DMD: variants seen among roughly 807,000 people sequenced by gnomAD.
The protein encoded by DMD is mutant dystrophin.
Under a neutral mutation model 330.1 loss-of-function variants are expected in DMD, and 63 were observed. That is an observed-to-expected ratio of 0.19 (90% CI 0.16 to 0.24). The LOEUF (loss-of-function observed/expected upper bound fraction) is 0.24, where lower values mean the gene tolerates loss of function less well. DMD is among the 10% of genes least tolerant of loss of function. The pLI, the probability that DMD is intolerant of heterozygous loss-of-function variation, is 1.00. For synonymous variants in DMD, 1,223 were observed against 959.8 expected, an observed-to-expected ratio of 1.27 and a Z score of -5.07; for missense variants, 3,344 against 2,684.1, an observed-to-expected ratio of 1.25 and a Z score of -5.43.
chrX:32,323,590 T>G (rs1249565219), intron 41 of DMD, among the ~76,000 whole-genome samples: 1 of 111,708 alleles, frequency 9.0e-6, no homozygotes, highest in Non-Finnish European at 1.9e-5. Flanking sequence ...ATCATCTTGG[T>G]GATGAGGGCA....
intron 55 of DMD, among the ~76,000 whole-genome samples, chrX:31,514,983 C>CT (rs2072044117): frequency 1.8e-5 from 2 of 108,552 alleles, no homozygotes; most frequent in African/African-American, 6.7e-5. Context: ...TAAAGTCTTC[C>CT]TTTAGGAAGC....
chrX:33,334,420 G>C (rs1440151970), intron 1 of DMD, among the ~76,000 whole-genome samples: 1 of 110,976 alleles, frequency 9.0e-6, no homozygotes, highest in African/African-American at 3.3e-5. Flanking sequence ...ATAGTCTAGA[G>C]ATGAGGTGAG....
chrX:31,526,598 C>A (rs184881373), intron 55 of DMD, among the ~76,000 whole-genome samples: 15 of 111,622 alleles, frequency 1.3e-4, no homozygotes, highest in Non-Finnish European at 1.9e-4. Flanking sequence ...TCAAGAAGTA[C>A]GGAAAAGAAA....
chrX:32,003,913 G>C (rs2095643866), intron 44 of DMD, among the ~76,000 whole-genome samples: 1 of 111,233 alleles, frequency 9.0e-6, no homozygotes, highest in Admixed American at 9.6e-5. Context: ...TACAGATTCA[G>C]CCATTTGCTA....
At chrX:32,329,588 G>T (rs961196374) in intron 41 of DMD, among the ~76,000 whole-genome samples, 4 of 112,084 alleles carry the variant, frequency 3.6e-5, no homozygotes, top group Non-Finnish European at 7.5e-5. Flanking sequence ...AAAATATAGT[G>T]ACCGATATTA....
chrX:32,341,570 TC>T (rs779829746), intron 41 of DMD, among the ~76,000 whole-genome samples: 1 of 112,054 alleles, frequency 8.9e-6, no homozygotes, highest in East Asian at 2.8e-4. Context: ...GGCATCCAGT[TC>T]TTTTATGGGC....
chrX:32,735,980 A>G (rs1249253370), intron 7 of DMD, among the ~76,000 whole-genome samples: 2 of 111,677 alleles, frequency 1.8e-5, no homozygotes, highest in East Asian at 5.6e-4. Flanking sequence ...TGAACAGGCA[A>G]CCTACAAAAT....
chrX:32,722,285 ACT>A (rs1569488171), intron 7 of DMD, among the ~76,000 whole-genome samples: 1 of 110,952 alleles, frequency 9.0e-6, no homozygotes, highest in Admixed American at 9.7e-5. Flanking sequence ...AGAACAAAAA[ACT>A]CAATACAACA....
intron 55 of DMD, among the ~76,000 whole-genome samples, chrX:31,608,599 C>T (rs1250605825): frequency 8.9e-6 from 1 of 111,885 alleles, no homozygotes; most frequent in Non-Finnish European, 1.9e-5. Context: ...TAGAATAAAG[C>T]TCAATGGCTT....
At chrX:33,018,613 T>C (rs1486379251) in intron 2 of DMD, among the ~76,000 whole-genome samples, 2 of 89,055 alleles carry the variant, frequency 2.2e-5, no homozygotes, top group African/African-American at 3.4e-5. Flanking sequence ...AAAATTACTC[T>C]AGTTCAATTC....
At chrX:31,341,889 G>GCACACACACACACA (rs1239381351) in intron 61 of DMD, among the ~76,000 whole-genome samples, 15 of 65,069 alleles carry the variant, frequency 2.3e-4, no homozygotes, top group African/African-American at 7.5e-4. Flanking sequence ...GCGTGCGCGC[G>GCACACACACACACA]CGCACACACA....
rs776909719 is a variant in DMD at position 31,954,366 on chromosome X, G to A, written c.6614+13973C>T. On this transcript the variant is annotated intron_variant, in intron 45 of 78. Transcript: ENST00000357033. ...CAACCTCTGAAACACTCCAGAAACC[G>A]TATCCACATTCACAGATTCTCTTGT... Among the ~76,000 whole-genome samples, 34 of 111,188 alleles carry A rather than the reference G, an allele frequency of 3.1e-4. No individual in the cohort carries two copies. The East Asian group carries it at 4.0e-3, about 13-fold the overall frequency.
At position 31,228,940 on chromosome X, in the gene DMD, A is replaced by C. The variant is rs549091687; in HGVS notation, c.9287-5819T>G. On this transcript the variant is annotated intron_variant, in intron 63 of 78. Transcript: ENST00000357033. Reference sequence around the variant, plus strand: ...AGAAACGTAAGGAACAAGGGCAAACATCAAACCACCTACCTTCTCAAGTTG... The same window carrying C: ...AGAAACGTAAGGAACAAGGGCAAACCTCAAACCACCTACCTTCTCAAGTTG... Among the ~76,000 whole-genome samples the C allele has an allele frequency of 4.4e-5, 5 of 112,634 alleles. No homozygotes were observed. In the South Asian group the frequency reaches 1.5e-3, roughly 33 times the overall value.
chrX:32,748,975 C>A (rs1292523532), intron 7 of DMD, among the ~76,000 whole-genome samples: 2 of 112,216 alleles, frequency 1.8e-5, no homozygotes, highest in Admixed American at 9.4e-5. Flanking sequence ...ATTAACAGAA[C>A]CTTTTCTCCC....
At chrX:32,243,479 G>A (rs191173471) in intron 43 of DMD, among the ~76,000 whole-genome samples, 2 of 111,961 alleles carry the variant, frequency 1.8e-5, no homozygotes, top group Non-Finnish European at 3.8e-5. Context: ...CCCCTGAGAG[G>A]AAGGACATAT....
At chrX:32,537,607 C>T (rs1024824844) in intron 17 of DMD, among the ~76,000 whole-genome samples, 4 of 111,321 alleles carry the variant, frequency 3.6e-5, no homozygotes, top group South Asian at 3.8e-4. Flanking sequence ...AGCTCTCTGG[C>T]GACCTTGCTG....
intron 43 of DMD, among the ~76,000 whole-genome samples, chrX:32,252,677 A>AAATATATATAAATATATATATAAAT (rs2097270520): frequency 6.0e-5 from 2 of 33,575 alleles, no homozygotes; most frequent in African/African-American, 1.5e-4. Context: ...TATATATATA[A>AAATATATATAAATATATATATAAAT]ATATATAAAT....
chrX:32,750,013 G>C (rs947569373), intron 7 of DMD, among the ~76,000 whole-genome samples: 2 of 111,848 alleles, frequency 1.8e-5, no homozygotes, highest in Non-Finnish European at 3.8e-5. Context: ...CATTTCCATT[G>C]GATGAAAAAA....
chrX:33,250,084 A>ATT (rs1226663135), intron 1 of DMD, among the ~76,000 whole-genome samples: 3 of 40,603 alleles, frequency 7.4e-5, no homozygotes, highest in African/African-American at 5.1e-4. Context: ...TAAACTATTC[A>ATT]TTATATATAT....
Sources: gnomAD v4.1 joint callset for allele counts (sites outside exome capture counted in the v4.1 genomes callset) on GRCh38, gnomAD v4.1.1 for gene constraint, MANE v1.5 for transcripts, NCBI Gene and HGNC (gene_info 2026-07-23, HGNC 2026-07-21) for gene names.